The following OSBPL8 variants were observed in gnomAD, a reference collection of about 807,000 sequenced individuals.
OSBPL8 encodes oxysterol-binding protein-related protein 8.
OSBPL8 carries 59 observed loss-of-function variants against 125.5 expected under a neutral mutation model. The observed-to-expected ratio is 0.47, with a 90% CI of 0.38 to 0.58. The LOEUF (loss-of-function observed/expected upper bound fraction) is 0.58. OSBPL8 is among the 20% of genes least tolerant of loss of function. OSBPL8 has a pLI of 0.00. For missense variants in OSBPL8, 758 were observed against 1,047.8 expected (o/e 0.72, Z 3.82); for synonymous variants, 330 against 338.9 (o/e 0.97, Z 0.29).
chr12:76,448,419 A>G (rs1047650764), intron 4 of OSBPL8, among the ~76,000 whole-genome samples: 2 of 152,322 alleles, frequency 1.3e-5, no homozygotes, highest in African/African-American at 4.8e-5. Flanking sequence ...CAGAGAAACC[A>G]TATCTATTAT....
At chr12:76,511,763 G>A (rs981055666) in intron 1 of OSBPL8, among the ~76,000 whole-genome samples, 70 of 152,044 alleles carry the variant, frequency 4.6e-4, no homozygotes, top group Middle Eastern at 3.2e-3. Context: ...CTTTTGCTGC[G>A]ATTGCTTCTG....
chr12:76,474,877 TTGC>T (rs910161619), intron 2 of OSBPL8, among the ~76,000 whole-genome samples: 1 of 152,224 alleles, frequency 6.6e-6, no homozygotes, highest in Non-Finnish European at 1.5e-5. Context: ...TCTTGCTCCA[TTGC>T]TGCTATTTTC....
intron 3 of OSBPL8, among the ~76,000 whole-genome samples, chr12:76,456,205 G>A (rs749250400): frequency 2.9e-4 from 44 of 152,104 alleles, no homozygotes; most frequent in Non-Finnish European, 5.9e-4. Context: ...ATAATAATCT[G>A]TATGTAAATC....
chr12:76,450,015 C>T (rs1366162468), intron 4 of OSBPL8, among the ~76,000 whole-genome samples: 5 of 152,078 alleles, frequency 3.3e-5, no homozygotes, highest in Non-Finnish European at 7.4e-5. Flanking sequence ...ATACTTCAAT[C>T]GGATCATCAC....
intron 16 of OSBPL8, among the ~76,000 whole-genome samples, chr12:76,375,743 A>T (rs1020474814): frequency 1.9e-4 from 27 of 145,542 alleles, no homozygotes; most frequent in African/African-American, 6.9e-4. Context: ...CATTGTTTTA[A>T]AAAAAAAAAA....
intron 1 of OSBPL8, among the ~76,000 whole-genome samples, chr12:76,509,031 T>C (rs1880713789): frequency 6.6e-6 from 1 of 152,242 alleles, no homozygotes; most frequent in Non-Finnish European, 1.5e-5. Context: ...AATTCTTTCT[T>C]GTGTGAGATC....
At chr12:76,421,880 C>CTAATT (rs71440444) in intron 4 of OSBPL8, among the ~76,000 whole-genome samples, 32,613 of 151,590 alleles carry the variant, frequency 0.22, 3,687 homozygotes, top group Non-Finnish European at 0.26. Flanking sequence ...TGTCAAATGC[C>CTAATT]TAATAAATAT....
At chr12:76,425,801 C>A (rs150622044) in intron 4 of OSBPL8, among the ~76,000 whole-genome samples, 2 of 152,330 alleles carry the variant, frequency 1.3e-5, no homozygotes, top group East Asian at 3.9e-4. Flanking sequence ...ATATACCTCT[C>A]CTGGTCATAT....
At chr12:76,457,071 C>G (rs2136792363) in intron 3 of OSBPL8, among the ~76,000 whole-genome samples, 1 of 152,196 alleles carries the variant, frequency 6.6e-6, no homozygotes, top group South Asian at 2.1e-4. Flanking sequence ...TGAAAATAGG[C>G]AAGAATGATG....
At chr12:76,484,131 T>C (rs1877870580) in intron 2 of OSBPL8, among the ~76,000 whole-genome samples, 1 of 152,228 alleles carries the variant, frequency 6.6e-6, no homozygotes, top group Non-Finnish European at 1.5e-5. Flanking sequence ...TTGGTCTCTA[T>C]CTGGCATATC....
At position 76,354,678 on chromosome 12, in the gene OSBPL8, A is replaced by G. The variant is rs1245188748; in HGVS notation, c.*1211T>C. 1 of 152,048 alleles carries G rather than the reference A, an allele frequency of 6.6e-6. No individual in the cohort carries two copies. Among genetic ancestry groups the G allele is most frequent in the Non-Finnish European group, 1.5e-5 (1 of 67,872 alleles). 9.4% of individuals were successfully genotyped at this position (152,048 alleles called of 1,614,324 possible). A position where few individuals can be genotyped will look rare whatever the true frequency, so the allele number is the denominator to read the frequency against. On this transcript the variant is annotated 3_prime_UTR_variant, in exon 24 of 24. Transcript: ENST00000261183. ...TAAAAACACAAAATCAAAATATTAA[A>G]CTGAAGAAACAAACAAAAAAATTTG...
intron 1 of OSBPL8, among the ~76,000 whole-genome samples, chr12:76,507,928 T>G (rs1880576105): frequency 1.3e-5 from 2 of 150,554 alleles, no homozygotes; most frequent in South Asian, 4.2e-4. Flanking sequence ...CCCAGCACTT[T>G]GGGAGGCTGA....
intron 2 of OSBPL8, among the ~76,000 whole-genome samples, chr12:76,486,683 C>A (rs1352706767): frequency 6.6e-6 from 1 of 152,070 alleles, no homozygotes. Context: ...TGTTTAATTT[C>A]AGAATTCAAT....
At chr12:76,551,377 TAAGA>T (rs2137504261) in intron 1 of OSBPL8, among the ~76,000 whole-genome samples, 1 of 152,278 alleles carries the variant, frequency 6.6e-6, no homozygotes, top group South Asian at 2.1e-4. Flanking sequence ...TTGTCACAAT[TAAGA>T]AAGATGGTAC....
chr12:76,374,816 G>A (rs956894807), intron 17 of OSBPL8, among the ~76,000 whole-genome samples: 3 of 152,076 alleles, frequency 2.0e-5, no homozygotes, highest in African/African-American at 4.8e-5. Context: ...GAACTCATGA[G>A]GAACAGCACA....
chr12:76,397,070 C>A (rs1449448336), intron 8 of OSBPL8, among the ~76,000 whole-genome samples: 1 of 152,026 alleles, frequency 6.6e-6, no homozygotes, highest in Non-Finnish European at 1.5e-5. Flanking sequence ...CTGCCCTGGC[C>A]TACCAAAGTG....
intron 21 of OSBPL8, among the ~76,000 whole-genome samples, chr12:76,360,361 A>G (rs1952150482): frequency 6.6e-6 from 1 of 152,234 alleles, no homozygotes; most frequent in East Asian, 1.9e-4. Flanking sequence ...ATGCTGATGC[A>G]AGAGGTAGGT....
Position 76,394,698 on chromosome 12 carries a change from G to A in OSBPL8, c.704C>T (p.Thr235Ile), listed in dbSNP as rs760700318. The change falls in exon 9 of 24, where the codon ACT (threonine) becomes ATT (isoleucine). Residue 235 changes from threonine (T) to isoleucine (I), a missense_variant. Physicochemically the swap from Thr to Ile is moderately conservative, Grantham distance 89. This residue lies in a region of OSBPL8 where 69 missense variants were observed against 148.7 expected (regional missense o/e 0.46). Coordinates refer to ENST00000261183, the MANE Select transcript of OSBPL8 (RefSeq NM_020841.5). ...GPKGEAVGSI[T>I]QPLPSSYLII... Reference sequence around the variant, plus strand: ...CAAATAACTGCTAGGTAAGGGTTGAGTAATGGATCCAACCGCTTCACCTTT... The same window carrying A: ...CAAATAACTGCTAGGTAAGGGTTGAATAATGGATCCAACCGCTTCACCTTT... 2 of 1,612,672 alleles carry A rather than the reference G, an allele frequency of 1.2e-6. No homozygotes were observed. Among genetic ancestry groups the A allele is most frequent in the South Asian group, 2.2e-5 (2 of 90,960 alleles).
chr12:76,447,077 C>T (rs1263010394), intron 4 of OSBPL8, among the ~76,000 whole-genome samples: 1 of 152,140 alleles, frequency 6.6e-6, no homozygotes, highest in Non-Finnish European at 1.5e-5. Context: ...ACAAGAATGA[C>T]AGAATTATAA....
Sources: gnomAD v4.1 joint callset for allele counts (sites outside exome capture counted in the v4.1 genomes callset) on GRCh38, gnomAD v4.1.1 for gene constraint, gnomAD v4.1.1 regional missense constraint, MANE v1.5 for transcripts, NCBI Gene and HGNC (gene_info 2026-07-23, HGNC 2026-07-21) for gene names.